Variants in RORA observed in about 807,000 individuals in gnomAD.
The protein encoded by RORA is RAR related orphan receptor A, also known as nuclear receptor ROR-alpha.
RORA carries 7 observed loss-of-function variants against 69.5 expected under a neutral mutation model. The ratio of observed to expected loss-of-function variants is 0.10; its 90% CI spans 0.06 to 0.19. The LOEUF (loss-of-function observed/expected upper bound fraction) is 0.19, where lower values mean the gene tolerates loss of function less well. RORA is among the 10% of genes least tolerant of loss of function. RORA has a pLI of 1.00. For synonymous variants in RORA, 261 were observed against 240.8 expected (o/e 1.08, Z -0.78); for missense variants, 457 against 663.0 (o/e 0.69, Z 3.41).
rs1394530218 is a variant in RORA at position 60,728,470 on chromosome 15, C to T, written c.167-49784G>A. ...AATAGCAAGTTACAGCTCATTAACA[C>T]AGAAAAACATAGGACATTAGTTCAT... On this transcript the variant is annotated intron_variant, in intron 1 of 10. Transcript: ENST00000335670. Among the ~76,000 whole-genome samples the T allele has an allele frequency of 1.3e-5, 2 of 152,116 alleles. 1 individual carries two copies. Among genetic ancestry groups the T allele is most frequent in the Non-Finnish European group, 2.9e-5 (2 of 68,012 alleles).
intron 1 of RORA, among the ~76,000 whole-genome samples, chr15:60,709,813 A>T (rs540883265): frequency 6.6e-6 from 1 of 152,176 alleles, no homozygotes; most frequent in South Asian, 2.1e-4. Flanking sequence ...AATAAATATA[A>T]TGTGCTTGAA....
chr15:61,070,143 A>T (rs1410487919), intron 1 of RORA, among the ~76,000 whole-genome samples: 1 of 152,250 alleles, frequency 6.6e-6, no homozygotes, highest in East Asian at 1.9e-4. Flanking sequence ...ACAGAGGTAG[A>T]AGAATACATA....
chr15:60,559,908 G>T (rs1480368031), intron 2 of RORA, among the ~76,000 whole-genome samples: 1 of 151,986 alleles, frequency 6.6e-6, no homozygotes, highest in East Asian at 1.9e-4. Context: ...TTTAGCCACT[G>T]TTTTTTTTCC....
chr15:60,926,891 G>A (rs1892235645), intron 1 of RORA, among the ~76,000 whole-genome samples: 1 of 152,186 alleles, frequency 6.6e-6, no homozygotes. Flanking sequence ...TGTACAGAGA[G>A]AGATGACTGG....
intron 1 of RORA, among the ~76,000 whole-genome samples, chr15:60,754,373 A>T (rs185733813): frequency 5.9e-5 from 9 of 152,248 alleles, no homozygotes; most frequent in African/African-American, 1.7e-4. Context: ...AGTTGGGATT[A>T]CTCCAGTTAG....
intron 1 of RORA, among the ~76,000 whole-genome samples, chr15:60,712,310 G>GT (rs2071155554): frequency 6.6e-6 from 1 of 152,162 alleles, no homozygotes; most frequent in African/African-American, 2.4e-5. Context: ...AAAAAGGTGT[G>GT]TTTTGTTGAA....
At chr15:60,817,048 A>G (rs572710113) in intron 1 of RORA, among the ~76,000 whole-genome samples, 4 of 152,356 alleles carry the variant, frequency 2.6e-5, no homozygotes, top group Admixed American at 2.6e-4. Context: ...TTTATGGTGT[A>G]CAATGTGGTG....
At chr15:61,059,989 GA>G (rs2078156573) in intron 1 of RORA, among the ~76,000 whole-genome samples, 1 of 45,092 alleles carries the variant, frequency 2.2e-5, no homozygotes, top group Admixed American at 2.5e-4. Context: ...AGAGGAAGAG[GA>G]AGAAGAAGAA....
chr15:61,177,353 G>A (rs1295151255), intron 1 of RORA, among the ~76,000 whole-genome samples: 4 of 152,204 alleles, frequency 2.6e-5, no homozygotes, highest in African/African-American at 4.8e-5. Context: ...CACCCGAGAC[G>A]TTTTACATCT....
At chr15:60,592,755 C>G (rs1468801399) in intron 2 of RORA, 3 of 1,049,228 alleles carry the variant, frequency 2.9e-6, no homozygotes, top group Non-Finnish European at 3.6e-6. Context: ...CCTGCCCTCC[C>G]GCGCCCCGGG....
intron 1 of RORA, among the ~76,000 whole-genome samples, chr15:60,708,518 C>T (rs2071099959): frequency 6.6e-6 from 1 of 152,146 alleles, no homozygotes; most frequent in Non-Finnish European, 1.5e-5. Context: ...CATTTTATGC[C>T]TGTATGTGTG....
intron 1 of RORA, among the ~76,000 whole-genome samples, chr15:60,832,383 C>T (rs2073053958): frequency 6.6e-6 from 1 of 152,108 alleles, no homozygotes; most frequent in Non-Finnish European, 1.5e-5. Flanking sequence ...TCACCTACCT[C>T]CCCATTTCCC....
At chr15:61,163,834 A>G (rs1364226081) in intron 1 of RORA, among the ~76,000 whole-genome samples, 1 of 152,182 alleles carries the variant, frequency 6.6e-6, no homozygotes, top group Non-Finnish European at 1.5e-5. Flanking sequence ...AGCTCTTAAC[A>G]TGCCATTTAT....
intron 1 of RORA, among the ~76,000 whole-genome samples, chr15:60,899,775 T>A (rs558054196): frequency 6.6e-6 from 1 of 152,310 alleles, no homozygotes; most frequent in African/African-American, 2.4e-5. Flanking sequence ...GTTTGAGTAA[T>A]CTCTAAATCA....
chr15:60,607,072 G>T (rs1368377665), intron 2 of RORA, among the ~76,000 whole-genome samples: 1 of 152,110 alleles, frequency 6.6e-6, no homozygotes, highest in Non-Finnish European at 1.5e-5. Context: ...AGAGACTTGT[G>T]CTCATAGGCG....
intron 1 of RORA, among the ~76,000 whole-genome samples, chr15:61,078,042 A>G (rs1283640956): frequency 6.6e-6 from 1 of 152,226 alleles, no homozygotes; most frequent in African/African-American, 2.4e-5. Context: ...GTACTGGAAA[A>G]AGCCTGATAC....
At chr15:60,774,814 T>A (rs1016367838) in intron 1 of RORA, among the ~76,000 whole-genome samples, 1 of 152,238 alleles carries the variant, frequency 6.6e-6, no homozygotes, top group Non-Finnish European at 1.5e-5. Context: ...GGACGAAAGC[T>A]TTCTCTTTTG....
At chr15:60,966,306 A>G (rs1007200007) in intron 1 of RORA, among the ~76,000 whole-genome samples, 2 of 152,186 alleles carry the variant, frequency 1.3e-5, no homozygotes, top group African/African-American at 4.8e-5. Flanking sequence ...GGACTTCAAC[A>G]TATGAATTTT....
chr15:60,949,492 C>G (rs185722139), intron 1 of RORA, among the ~76,000 whole-genome samples: 1 of 152,194 alleles, frequency 6.6e-6, no homozygotes, highest in Non-Finnish European at 1.5e-5. Flanking sequence ...GCCCTGGACC[C>G]GAGCAGCAGA....
Sources: gnomAD v4.1 joint callset for allele counts (sites outside exome capture counted in the v4.1 genomes callset) on GRCh38, gnomAD v4.1.1 for gene constraint, MANE v1.5 for transcripts, NCBI Gene and HGNC (gene_info 2026-07-23, HGNC 2026-07-21) for gene names.